CSMD1: variants seen among roughly 807,000 people sequenced by gnomAD.
CSMD1 encodes CUB and sushi domain-containing protein 1.
CSMD1 carries 213 observed loss-of-function variants against 417.5 expected under a neutral mutation model. The ratio of observed to expected loss-of-function variants is 0.51; its 90% CI spans 0.46 to 0.57. The LOEUF (loss-of-function observed/expected upper bound fraction) is 0.57. CSMD1 is among the 20% of genes least tolerant of loss of function. The probability of loss-of-function intolerance (pLI) is 0.00; values close to 1 mark genes in which losing one functional copy is unlikely to be tolerated. For synonymous variants in CSMD1, 2,862 were observed against 1,736.8 expected (o/e 1.65, Z -16.11); for missense variants, 6,923 against 4,529.7 (o/e 1.53, Z -15.17).
chr8:3,976,154 A>G (rs1813422436), intron 5 of CSMD1, among the ~76,000 whole-genome samples: 1 of 152,154 alleles, frequency 6.6e-6, no homozygotes, highest in Admixed American at 6.6e-5. Context: ...CCAAGAATGC[A>G]TAACCTAAGG....
At chr8:4,800,402 T>C (rs964634343) in intron 1 of CSMD1, among the ~76,000 whole-genome samples, 7 of 145,656 alleles carry the variant, frequency 4.8e-5, no homozygotes, top group African/African-American at 1.8e-4. Context: ...CACGCCACTG[T>C]ACTCCAGGCT....
At chr8:3,570,068 T>C (rs756143765) in intron 10 of CSMD1, among the ~76,000 whole-genome samples, 62 of 152,212 alleles carry the variant, frequency 4.1e-4, no homozygotes, top group Non-Finnish European at 1.5e-4. Flanking sequence ...GAGAAGAGAA[T>C]TGTATAAACC....
At chr8:4,303,060 G>C (rs1027961076) in intron 3 of CSMD1, among the ~76,000 whole-genome samples, 1 of 151,914 alleles carries the variant, frequency 6.6e-6, no homozygotes, top group Non-Finnish European at 1.5e-5. Flanking sequence ...CAAGGAAGTA[G>C]GTATAAAAAT....
At chr8:3,421,660 C>T (rs770785451) in intron 12 of CSMD1, among the ~76,000 whole-genome samples, 1 of 151,984 alleles carries the variant, frequency 6.6e-6, no homozygotes, top group Non-Finnish European at 1.5e-5. Flanking sequence ...TTTTTTGAGA[C>T]AGTGTCTTGC....
chr8:3,563,295 T>C (rs1314138836), intron 10 of CSMD1, among the ~76,000 whole-genome samples: 1 of 152,006 alleles, frequency 6.6e-6, no homozygotes, highest in African/African-American at 2.4e-5. Context: ...TCTAAAAGTG[T>C]GTAATTTAAA....
chr8:4,382,992 G>T (rs952889206), intron 3 of CSMD1, among the ~76,000 whole-genome samples: 1 of 152,182 alleles, frequency 6.6e-6, no homozygotes, highest in East Asian at 1.9e-4. Context: ...TCGCACCATC[G>T]TCTGTATATC....
intron 37 of CSMD1, among the ~76,000 whole-genome samples, chr8:3,180,112 A>C (rs1278372336): frequency 2.0e-5 from 3 of 152,242 alleles, no homozygotes; most frequent in Non-Finnish European, 4.4e-5. Context: ...ATCAACGTTA[A>C]ACATTTTTAG....
intron 3 of CSMD1, among the ~76,000 whole-genome samples, chr8:4,042,814 T>TAAAAAAA (rs1563355345): frequency 1.4e-4 from 3 of 21,042 alleles, no homozygotes; most frequent in Admixed American, 4.2e-4. Flanking sequence ...GTACAACATA[T>TAAAAAAA]TAAAAAAAAA....
rs750481821 is a variant in CSMD1 at position 3,997,982 on chromosome 8, C to T, written c.739G>A (p.Ala247Thr). ...AGCTGAAAGTCAGTGAAGACCAGCG[C>T]AATGGTGTCCCCGGGCTCAGCCAGA... is the stretch of plus-strand genomic sequence containing the variant. Reference protein sequence around the residue: ...TILAEPGDTIALVFTDFQLEE... With the variant: ...TILAEPGDTITLVFTDFQLEE... The change falls in exon 5 of 70, where the codon GCG becomes ACG. Residue 247 changes from alanine (A) to threonine (T), a missense_variant. Physicochemically the swap from Ala to Thr is moderately conservative, Grantham distance 58. Transcript: ENST00000635120. 2.5e-6 allele frequency: 4 copies of T among 1,611,038 alleles called. No individual in the cohort carries two copies. Among genetic ancestry groups the T allele is most frequent in the Non-Finnish European group, 3.4e-6 (4 of 1,178,540 alleles).
chr8:4,904,299 T>C (rs574160832), intron 1 of CSMD1, among the ~76,000 whole-genome samples: 1 of 152,356 alleles, frequency 6.6e-6, no homozygotes, highest in East Asian at 1.9e-4. Flanking sequence ...AGTAAATGTA[T>C]TTCCCATTAA....
chr8:3,400,698 A>G (rs1563349029), intron 15 of CSMD1, among the ~76,000 whole-genome samples: 1 of 151,930 alleles, frequency 6.6e-6, no homozygotes, highest in Non-Finnish European at 1.5e-5. Flanking sequence ...CATCTGTTAT[A>G]AATGTAATAA....
At chr8:4,658,379 G>C (rs1191841723) in intron 1 of CSMD1, among the ~76,000 whole-genome samples, 1 of 152,046 alleles carries the variant, frequency 6.6e-6, no homozygotes, top group Non-Finnish European at 1.5e-5. Flanking sequence ...ATACACAACA[G>C]ATCCTTAGAA....
At chr8:3,708,351 C>T (rs1801297724) in intron 7 of CSMD1, 63 bp downstream of exon 7, 2 of 1,400,312 alleles carry the variant, frequency 1.4e-6, no homozygotes, top group Non-Finnish European at 2.0e-6. Context: ...TTCTTAACTG[C>T]TCCATTCTCT....
intron 10 of CSMD1, among the ~76,000 whole-genome samples, chr8:3,504,709 G>C (rs1796750826): frequency 6.6e-6 from 1 of 152,100 alleles, no homozygotes; most frequent in Non-Finnish European, 1.5e-5. Context: ...TTTATCACCT[G>C]CACCCTTCCT....
chr8:4,027,880 C>T (rs1417454056), intron 4 of CSMD1, among the ~76,000 whole-genome samples: 1 of 152,060 alleles, frequency 6.6e-6, no homozygotes, highest in Non-Finnish European at 1.5e-5. Context: ...AGAACAAAGA[C>T]ACAGTAACTT....
chr8:3,783,569 C>T (rs1254101252), intron 5 of CSMD1, among the ~76,000 whole-genome samples: 1 of 152,200 alleles, frequency 6.6e-6, no homozygotes, highest in African/African-American at 2.4e-5. Flanking sequence ...CACCACCTGG[C>T]ACAGGTGAGA....
chr8:3,897,430 T>A (rs936617011), intron 5 of CSMD1, among the ~76,000 whole-genome samples: 1 of 152,336 alleles, frequency 6.6e-6, no homozygotes, highest in Middle Eastern at 3.4e-3. Flanking sequence ...GTTATTAACT[T>A]TTAATTCAAT....
intron 3 of CSMD1, among the ~76,000 whole-genome samples, chr8:4,070,626 G>T (rs553676161): frequency 2.6e-5 from 4 of 152,006 alleles, no homozygotes; most frequent in African/African-American, 7.2e-5. Context: ...CAAAGTGCTG[G>T]GATTACAGGC....
At chr8:3,598,743 T>C (rs367938313) in intron 8 of CSMD1, among the ~76,000 whole-genome samples, 2 of 152,242 alleles carry the variant, frequency 1.3e-5, no homozygotes, top group Admixed American at 6.5e-5. Flanking sequence ...GATTTGTAAT[T>C]TCCCCCCGCC....
Sources: gnomAD v4.1 joint callset for allele counts (sites outside exome capture counted in the v4.1 genomes callset) on GRCh38, gnomAD v4.1.1 for gene constraint, MANE v1.5 for transcripts, NCBI Gene and HGNC (gene_info 2026-07-23, HGNC 2026-07-21) for gene names.